PHF13: variants seen among roughly 807,000 people sequenced by gnomAD.
PHF13 encodes the protein PHD zinc finger protein PHF5.
Under a neutral mutation model 25.8 loss-of-function variants are expected in PHF13, and 1 was observed. That is an observed-to-expected ratio of 0.04 (90% CI 0.01 to 0.18). The LOEUF (loss-of-function observed/expected upper bound fraction) is 0.18, where lower values mean the gene tolerates loss of function less well. PHF13 is among the 10% of genes least tolerant of loss of function. The pLI is 1.00. For synonymous variants in PHF13, 195 were observed against 162.4 expected (o/e 1.20, Z -1.53); for missense variants, 306 against 403.2 (o/e 0.76, Z 2.06).
At chr1:6,620,874 A>AAG (rs1206063619) in intron 3 of PHF13, among the ~76,000 whole-genome samples, 1 of 151,972 alleles carries the variant, frequency 6.6e-6, no homozygotes, top group African/African-American at 2.4e-5. Context: ...AAAAAAAAAA[A>AAG]AGAAAAAATT....
chr1:6,614,003 G>T lies in PHF13; in HGVS notation c.-64G>T. The T allele has an allele frequency of 3.0e-6, 4 of 1,322,032 alleles. No individual in the cohort carries two copies. The South Asian group carries it at 3.8e-5, about 12-fold the overall frequency. 81.9% of individuals were successfully genotyped at this position (1,322,032 alleles called of 1,614,324 possible). On this transcript the variant is annotated 5_prime_UTR_variant, in exon 1 of 4. Coordinates refer to ENST00000377648, the MANE Select transcript of PHF13 (RefSeq NM_153812.3). ...CAGCCGCCCGAGCCCCCAGCCCCGG[G>T]CGGCCCCGCTCCAGCATCCCAGCTC...
At chr1:6,614,267 C>G (rs1277168771) in intron 1 of PHF13, among the ~76,000 whole-genome samples, 162 bp downstream of exon 1, 1 of 141,534 alleles carries the variant, frequency 7.1e-6, no homozygotes, top group East Asian at 2.3e-4. Flanking sequence ...CCTGCTCGGG[C>G]CCGCGCTCGG....
intron 1 of PHF13, among the ~76,000 whole-genome samples, chr1:6,614,974 C>T (rs1233406453): frequency 6.6e-6 from 1 of 151,506 alleles, no homozygotes; most frequent in African/African-American, 2.4e-5. Context: ...GCAGGGCCTC[C>T]CCAGGCCTGG....
rs928266283 is a variant in PHF13, at chr1:6,622,591, G to T, written c.*954G>T. 1.3e-5 allele frequency: 2 copies of T among 152,364 alleles called. No individual in the cohort carries two copies. The highest frequency in any genetic ancestry group is 4.8e-5 in the African/African-American group (2 of 41,458). 9.4% of individuals were successfully genotyped at this position (152,364 alleles called of 1,614,324 possible). On this transcript the variant is annotated 3_prime_UTR_variant, in exon 4 of 4. Transcript: ENST00000377648. ...TTCCTCCAAAGAATAGGGTAAAGGA[G>T]AGCTGGGAGGGAGCCCTCTCCGTTG... is the stretch of plus-strand genomic sequence containing the variant.
Position 6,621,547 on chromosome 1 carries a change from G to C in PHF13, c.813G>C (p.Val271=), listed in dbSNP as rs374471944. 5.6e-6 allele frequency: 9 copies of C among 1,614,198 alleles called. No homozygotes were observed. Among genetic ancestry groups the C allele is most frequent in the Non-Finnish European group, 7.6e-6 (9 of 1,180,034 alleles). Residue 271 remains valine (V), a synonymous_variant, in exon 4 of 4, where the codon GTG becomes GTC. Coordinates refer to ENST00000377648, the MANE Select transcript of PHF13 (RefSeq NM_153812.3). This position sits in a 1 kb window ranked among gnomAD's most constrained non-coding sequence, Gnocchi z 4.8. ...TCCGGAAATCCAATGTTCCAGAAGT[G>C]TTTGTCTGCCAAAAGTGCCGGGACT... ...AKIRKSNVPE[V]FVCQKCRDSK...
chr1:6,615,529 G>C (rs1434731685), intron 1 of PHF13, among the ~76,000 whole-genome samples: 1 of 152,136 alleles, frequency 6.6e-6, no homozygotes, highest in Non-Finnish European at 1.5e-5. Context: ...CGGCGGGAGG[G>C]GCGGCCCGAG....
chr1:6,616,470 A>C (rs975578523), intron 1 of PHF13, among the ~76,000 whole-genome samples: 5 of 152,260 alleles, frequency 3.3e-5, no homozygotes, highest in Non-Finnish European at 5.9e-5. Context: ...AGATAAAGTC[A>C]GAAAATGCCA....
Position 6,621,852 on chromosome 1 carries a change from C to T in PHF13, c.*215C>T, listed in dbSNP as rs1423998624. The T allele has an allele frequency of 1.0e-5, 6 of 599,758 alleles. No homozygotes were observed. Among genetic ancestry groups the T allele is most frequent in the South Asian group, 2.0e-5 (1 of 50,952 alleles). The allele number at this position is 599,758 out of a possible 1,614,324, so 37.2% of individuals were successfully genotyped here. A position where few individuals can be genotyped will look rare whatever the true frequency, so the allele number is the denominator to read the frequency against. On this transcript the variant is annotated 3_prime_UTR_variant, in exon 4 of 4. Transcript: ENST00000377648. This position sits in a 1 kb window ranked among gnomAD's most constrained non-coding sequence, Gnocchi z 4.8. ...CCAGCCAGAGCTGCTGCCAGAGCTG[C>T]GTTCCCTGCAGTGGAGGTGGACTGG...
At chr1:6,619,156 T>A (rs759261370) in intron 2 of PHF13, among the ~76,000 whole-genome samples, 3 of 152,210 alleles carry the variant, frequency 2.0e-5, no homozygotes, top group Non-Finnish European at 4.4e-5. Context: ...ATATATCTCT[T>A]GGGAGGGCAA....
intron 1 of PHF13, among the ~76,000 whole-genome samples, chr1:6,616,025 A>ATTTTTTTT (rs5772244): frequency 7.6e-5 from 7 of 91,772 alleles, no homozygotes; most frequent in Admixed American, 1.3e-4. Flanking sequence ...TGAGTGGTTG[A>ATTTTTTTT]TTTTTTTTTT....
intron 1 of PHF13, among the ~76,000 whole-genome samples, chr1:6,614,902 G>T (rs995054379): frequency 2.7e-5 from 4 of 150,790 alleles, no homozygotes; most frequent in Non-Finnish European, 4.5e-5. Context: ...GCGACCGCGG[G>T]CGGGTGGGGG....
In PHF13 at chr1:6,621,202, A is replaced by G. The variant is rs11122106; in HGVS notation, c.677-209A>G. 0.36 allele frequency among the ~76,000 whole-genome samples: 49,634 copies of G among 139,528 alleles called. 8,296 individuals carry two copies. Among genetic ancestry groups the G allele is most frequent in the South Asian group, 0.48 (2,231 of 4,640 alleles). 91.5% of individuals were successfully genotyped at this position (139,528 alleles called of 152,430 possible). A position where few individuals can be genotyped will look rare whatever the true frequency, so the allele number is the denominator to read the frequency against. ...GACAGAGTGAGACCCTGTCTTAGGG[A>G]AAAAAAAAAAAAAGTAAGCATCTCC... On this transcript the variant is annotated intron_variant, in intron 3 of 3. Transcript: ENST00000377648. The surrounding 1 kb of genome is among the most constrained non-coding windows in gnomAD (Gnocchi z 4.8).
intron 2 of PHF13, among the ~76,000 whole-genome samples, chr1:6,618,456 A>G (rs55676837): frequency 0.029 from 4,474 of 152,186 alleles, 199 homozygotes; most frequent in African/African-American, 0.096. Flanking sequence ...TTGTAGAGAC[A>G]AGGTCTCACT....
At chr1:6,614,792 C>T (rs867391150) in intron 1 of PHF13, among the ~76,000 whole-genome samples, 4 of 151,468 alleles carry the variant, frequency 2.6e-5, no homozygotes, top group Non-Finnish European at 4.4e-5. Flanking sequence ...CCGGCTCACT[C>T]CCCCTCCTTC....
chr1:6,620,761 T>C (rs1441450642), intron 3 of PHF13, among the ~76,000 whole-genome samples: 1 of 151,578 alleles, frequency 6.6e-6, no homozygotes, highest in East Asian at 1.9e-4. Flanking sequence ...GGCTCATGCC[T>C]GTAATCCCAG....
rs1210661663 is a variant in PHF13, at chr1:6,619,922, C to G, written c.261C>G (p.Asp87Glu). 6.2e-7 allele frequency: 1 copy of G among 1,613,854 alleles called. No individual in the cohort carries two copies. Among genetic ancestry groups the G allele is most frequent in the Non-Finnish European group, 8.5e-7 (1 of 1,180,028 alleles). ...CCTCAGTGCCCTTGCCAGTCTCTGA[C>G]CGCTGCTTTAGCCACCTGCAGCCTA... ...IASSVPLPVS[D>E]RCFSHLQPTL... Residue 87 changes from aspartate (D) to glutamate (E), a missense_variant, in exon 3 of 4, where the codon GAC (aspartate) becomes GAG (glutamate). By Grantham distance (45) the Asp-to-Glu change is conservative (BLOSUM62 2). Around this residue, in one of 5 missense-constraint regions of PHF13, gnomAD observed 186 missense variants for 164.0 expected, o/e 1.13. Coordinates refer to ENST00000377648, the MANE Select transcript of PHF13 (RefSeq NM_153812.3).
rs779137705 is a variant in PHF13 at position 6,620,200 on chromosome 1, C to T, written c.539C>T (p.Ser180Phe). The T allele has an allele frequency of 7.4e-6, 12 of 1,613,888 alleles. No homozygotes were observed. Among genetic ancestry groups the T allele is most frequent in the Admixed American group, 3.3e-5 (2 of 59,976 alleles). Residue 180 changes from serine (S) to phenylalanine (F), a missense_variant, in exon 3 of 4, where the codon TCT becomes TTT. Physicochemically the swap from Ser to Phe is radical, Grantham distance 155. Around this residue, in one of 5 missense-constraint regions of PHF13, gnomAD observed 186 missense variants for 164.0 expected, o/e 1.13. Transcript: ENST00000377648. ...GACTCCGATACTCCCTCGAGTGGATCTTGTGCCACTGTGTCACCTGATCAG... is the reference window on the plus strand; with the variant it reads ...GACTCCGATACTCCCTCGAGTGGATTTTGTGCCACTGTGTCACCTGATCAG... ...GWDSDTPSSGSCATVSPDQVK... is the reference protein window; with the variant it reads ...GWDSDTPSSGFCATVSPDQVK...
rs1309342956 is a variant in PHF13, at chr1:6,616,746, C to T, written c.40-11C>T. On this transcript the variant is annotated splice_polypyrimidine_tract_variant and intron_variant, in intron 1 of 3. Coordinates refer to ENST00000377648, the MANE Select transcript of PHF13 (RefSeq NM_153812.3). ...CCTTCAAACACATTCCCTTTTCTCT[C>T]CCCTTAATAGGAATACTCCCCCAGT... is the stretch of plus-strand genomic sequence containing the variant. 1 of 1,608,246 alleles carries T rather than the reference C, an allele frequency of 6.2e-7. No homozygotes were observed.
rs1407851648 is a variant in PHF13, at chr1:6,622,678, C to G, written c.*1041C>G. Reference sequence around the variant, plus strand: ...CCGGTTCCACAGGGTACAGTTAGGACTTGAGTCTTTCTTTTTCTGTTTTGA... The same window carrying G: ...CCGGTTCCACAGGGTACAGTTAGGAGTTGAGTCTTTCTTTTTCTGTTTTGA... On this transcript the variant is annotated 3_prime_UTR_variant, in exon 4 of 4. Coordinates refer to ENST00000377648, the MANE Select transcript of PHF13 (RefSeq NM_153812.3). 2.6e-5 allele frequency: 4 copies of G among 152,066 alleles called. No homozygotes were observed. Among genetic ancestry groups the G allele is most frequent in the Non-Finnish European group, 5.9e-5 (4 of 68,122 alleles). The allele number at this position is 152,066 out of a possible 1,614,324, so 9.4% of individuals were successfully genotyped here.
Sources: allele counts gnomAD v4.1 joint callset (sites outside exome capture counted in the v4.1 genomes callset), GRCh38; gene constraint gnomAD v4.1.1; regional missense constraint gnomAD v4.1.1; non-coding constraint Gnocchi (gnomAD v3.1); transcripts MANE v1.5; gene names NCBI Gene and HGNC (gene_info 2026-07-23, HGNC 2026-07-21).